RPH3A: variants seen among roughly 807,000 people sequenced by gnomAD.
RPH3A encodes the protein rabphilin 3A, also known as rabphilin-3A.
A neutral mutation model predicts 102.2 loss-of-function variants in RPH3A; 48 were observed. That is an observed-to-expected ratio of 0.47 (90% confidence interval 0.37 to 0.60). The LOEUF (loss-of-function observed/expected upper bound fraction) is 0.60. Ranked by LOEUF, RPH3A falls within the 20% of genes least tolerant of loss-of-function variation. The probability of loss-of-function intolerance (pLI) is 0.00; values close to 1 mark genes in which losing one functional copy is unlikely to be tolerated. For missense variants in RPH3A, 781 were observed against 910.1 expected, an observed-to-expected ratio of 0.86 and a Z score of 1.83; for synonymous variants, 310 against 324.3, an observed-to-expected ratio of 0.96 and a Z score of 0.47.
chr12:112,811,851 C>G (rs567437798), intron 2 of RPH3A, among the ~76,000 whole-genome samples: 2 of 152,236 alleles, frequency 1.3e-5, no homozygotes, highest in East Asian at 3.9e-4. Flanking sequence ...CCAAAGGACA[C>G]TTATTTGCTA....
intron 3 of RPH3A, among the ~76,000 whole-genome samples, chr12:112,833,191 T>C (rs1197762183): frequency 3.9e-5 from 6 of 152,200 alleles, no homozygotes; most frequent in Non-Finnish European, 8.8e-5. Flanking sequence ...TACTACATTT[T>C]GATATTCTCT....
At chr12:112,788,987 C>A (rs751456061), upstream of RPH3A, among the ~76,000 whole-genome samples, 1 of 152,100 alleles carries the variant, frequency 6.6e-6, no homozygotes, top group Non-Finnish European at 1.5e-5. Context: ...GGCGAAACCC[C>A]GTCTCTACTA....
chr12:112,609,217 G>T, intron 1 of RPH3A, among the ~76,000 whole-genome samples: 1 of 152,024 alleles, frequency 6.6e-6, no homozygotes, highest in East Asian at 1.9e-4. Context: ...GATTACAAGT[G>T]CACGCCACCA....
Position 112,678,328 on chromosome 12 carries a change from A to AG in RPH3A, c.-140+103010dup, listed in dbSNP as rs1555283218. On this transcript the variant is annotated intron_variant, in intron 1 of 21. Transcript: ENST00000543106. The stretch of plus-strand genomic sequence containing the variant: ...AAGAGAGAGAGAGAGAAAGAAAGAA[A>AG]GAAGGAAGGAAGGAAGGAAGGAAGG... 4.0e-5 allele frequency among the ~76,000 whole-genome samples: 2 copies of AG among 49,826 alleles called. 1 individual carries two copies. The highest frequency in any genetic ancestry group is 1.1e-4 in the Non-Finnish European group (2 of 18,750). 32.7% of individuals were successfully genotyped at this position (49,826 alleles called of 152,430 possible).
At chr12:112,720,977 G>T (rs1369678949) in intron 1 of RPH3A, among the ~76,000 whole-genome samples, 1 of 152,136 alleles carries the variant, frequency 6.6e-6, no homozygotes, top group African/African-American at 2.4e-5. Flanking sequence ...TTAAACCTTT[G>T]CTCCTCCATT....
intron 1 of RPH3A, among the ~76,000 whole-genome samples, chr12:112,648,266 A>G (rs2039946260): frequency 6.6e-6 from 1 of 152,096 alleles, no homozygotes. Flanking sequence ...ACATAAAGGT[A>G]TCATACATAA....
At chr12:112,641,391 A>G (rs1426817112) in intron 1 of RPH3A, among the ~76,000 whole-genome samples, 1 of 152,154 alleles carries the variant, frequency 6.6e-6, no homozygotes, top group African/African-American at 2.4e-5. Context: ...AATTGCATTT[A>G]TTTATTTACT....
intron 1 of RPH3A, among the ~76,000 whole-genome samples, chr12:112,698,627 A>G (rs903968652): frequency 2.6e-5 from 4 of 152,230 alleles, no homozygotes; most frequent in African/African-American, 7.2e-5. Context: ...GACAAGCCAC[A>G]GACTTAAAGA....
intron 1 of RPH3A, among the ~76,000 whole-genome samples, chr12:112,692,270 A>G (rs1448527924): frequency 6.6e-6 from 1 of 152,212 alleles, no homozygotes; most frequent in East Asian, 1.9e-4. Flanking sequence ...CACTACAAGG[A>G]TGACTATAGT....
chr12:112,850,943 T>C (rs1593081289), intron 5 of RPH3A: 1 of 152,362 alleles, frequency 6.6e-6, no homozygotes, highest in East Asian at 1.9e-4. Context: ...TATTGCTGGC[T>C]GTACCTCTCA....
intron 1 of RPH3A, among the ~76,000 whole-genome samples, chr12:112,775,135 T>C (rs769947998): frequency 6.6e-6 from 1 of 152,064 alleles, no homozygotes; most frequent in Non-Finnish European, 1.5e-5. Flanking sequence ...GATGGGTTGA[T>C]AGGTGCAGTA....
At chr12:112,715,970 A>G (rs2040510894) in intron 1 of RPH3A, among the ~76,000 whole-genome samples, 1 of 152,224 alleles carries the variant, frequency 6.6e-6, no homozygotes, top group African/African-American at 2.4e-5. Flanking sequence ...GGTTCCTCCC[A>G]TTTTTAGACT....
In RPH3A at chr12:112,792,462, T is replaced by C. The variant is rs188834263; in HGVS notation, c.-19+199T>C. Among the ~76,000 whole-genome samples the C allele has an allele frequency of 1.7e-3, 255 of 152,358 alleles. 1 individual carries two copies. The highest frequency in any genetic ancestry group is 5.6e-3 in the African/African-American group (234 of 41,594). ...AAAGCCAAATGAGATTTTGGCTTAGTGCCCAGGGAGGGGGTAAAATGTGCT... is the reference window on the plus strand; with the variant it reads ...AAAGCCAAATGAGATTTTGGCTTAGCGCCCAGGGAGGGGGTAAAATGTGCT... On this transcript the variant is annotated intron_variant, in intron 2 of 21. Coordinates refer to ENST00000389385, the MANE Select transcript of RPH3A (RefSeq NM_001143854.2).
At chr12:112,842,480 G>A (rs1240887428) in intron 4 of RPH3A, among the ~76,000 whole-genome samples, 1 of 152,156 alleles carries the variant, frequency 6.6e-6, no homozygotes, top group Non-Finnish European at 1.5e-5. Context: ...TCCAGGCAGG[G>A]CAGTGCCAGA....
intron 10 of RPH3A, among the ~76,000 whole-genome samples, chr12:112,871,713 TAC>T (rs1380825859): frequency 6.7e-6 from 1 of 149,554 alleles, no homozygotes; most frequent in Non-Finnish European, 1.5e-5. Flanking sequence ...TATATATATA[TAC>T]ACACACATAA....
intron 1 of RPH3A, among the ~76,000 whole-genome samples, chr12:112,749,286 G>T (rs1487597311): frequency 6.6e-6 from 1 of 152,188 alleles, no homozygotes; most frequent in African/African-American, 2.4e-5. Context: ...TTTCGTCAGT[G>T]TTCTGGGATG....
chr12:112,734,713 C>T lies in RPH3A; in HGVS notation c.-139-57430C>T, dbSNP rs149182027. 4.6e-3 allele frequency among the ~76,000 whole-genome samples: 703 copies of T among 152,334 alleles called. 6 individuals carry two copies. The highest frequency in any genetic ancestry group is 0.016 in the African/African-American group (659 of 41,572). ...GGAAAAGGGTGAGGAATTCCCAGAA[C>T]TGAGGGTTCCTCTCCTTTTTAGACC... On this transcript the variant is annotated intron_variant, in intron 1 of 21. Coordinates refer to the RPH3A transcript ENST00000543106.
chr12:112,663,250 C>T (rs1285006307), intron 1 of RPH3A, among the ~76,000 whole-genome samples: 1 of 152,054 alleles, frequency 6.6e-6, no homozygotes, highest in Non-Finnish European at 1.5e-5. Context: ...CACTTTGTTG[C>T]CCAGGTTGGA....
At chr12:112,859,962 A>C (rs1197874750) in intron 5 of RPH3A, among the ~76,000 whole-genome samples, 1 of 152,232 alleles carries the variant, frequency 6.6e-6, no homozygotes, top group Non-Finnish European at 1.5e-5. Context: ...AGGGCCGGGC[A>C]CTGGCGTTTT....
Sources: gnomAD v4.1 joint callset for allele counts (sites outside exome capture counted in the v4.1 genomes callset) on GRCh38, gnomAD v4.1.1 for gene constraint, MANE v1.5 for transcripts, NCBI Gene and HGNC (gene_info 2026-07-23, HGNC 2026-07-21) for gene names.